ITFG1: variants seen among roughly 807,000 people sequenced by gnomAD.
ITFG1 encodes T-cell immunomodulatory protein.
In ITFG1, 34 loss-of-function variants were observed where a neutral mutation model predicts 81.8. That is an observed-to-expected ratio of 0.42 (90% CI 0.32 to 0.55). The LOEUF (loss-of-function observed/expected upper bound fraction) is 0.55. Ranked by LOEUF, ITFG1 falls within the 20% of genes least tolerant of loss-of-function variation. ITFG1 has a pLI of 0.17. For synonymous variants in ITFG1, 285 were observed against 270.6 expected (o/e 1.05, Z -0.52); for missense variants, 672 against 755.4 (o/e 0.89, Z 1.29).
intron 14 of ITFG1, among the ~76,000 whole-genome samples, chr16:47,214,984 T>A (rs1393406057): frequency 6.7e-6 from 1 of 149,948 alleles, no homozygotes; most frequent in African/African-American, 2.5e-5. Context: ...AAATAAAAAT[T>A]TCATGAAACA....
chr16:47,246,383 T>C (rs1966002576), intron 12 of ITFG1, among the ~76,000 whole-genome samples: 1 of 152,212 alleles, frequency 6.6e-6, no homozygotes, highest in Non-Finnish European at 1.5e-5. Flanking sequence ...ATATGTGTTA[T>C]AAAAAGGGGT....
chr16:47,172,786 T>A (rs1964977416), intron 14 of ITFG1, among the ~76,000 whole-genome samples: 1 of 152,222 alleles, frequency 6.6e-6, no homozygotes, highest in Admixed American at 6.5e-5. Context: ...TTACCCCAAA[T>A]AGGTATGTTC....
At chr16:47,241,341 T>C (rs534446288) in intron 12 of ITFG1, among the ~76,000 whole-genome samples, 4 of 152,310 alleles carry the variant, frequency 2.6e-5, no homozygotes, top group Admixed American at 1.3e-4. Context: ...CAGAAATGTG[T>C]ACATCAGTGT....
intron 6 of ITFG1, among the ~76,000 whole-genome samples, chr16:47,428,114 C>CGG (rs1186392914): frequency 6.6e-6 from 1 of 151,944 alleles, no homozygotes; most frequent in Non-Finnish European, 1.5e-5. Flanking sequence ...CTCCAGCCTG[C>CGG]GGAACAGAGT....
intron 14 of ITFG1, among the ~76,000 whole-genome samples, chr16:47,195,739 T>G (rs1965349971): frequency 6.6e-6 from 1 of 152,130 alleles, no homozygotes; most frequent in Non-Finnish European, 1.5e-5. Flanking sequence ...GTTGTTGTTG[T>G]TTTAATTTCT....
chr16:47,352,092 A>C (rs1357297544), intron 8 of ITFG1, among the ~76,000 whole-genome samples: 2 of 152,234 alleles, frequency 1.3e-5, no homozygotes, highest in African/African-American at 4.8e-5. Context: ...GTTAGACCTA[A>C]AATCATAAAA....
At chr16:47,418,884 T>C (rs1428942598) in intron 6 of ITFG1, among the ~76,000 whole-genome samples, 1 of 152,222 alleles carries the variant, frequency 6.6e-6, no homozygotes, top group African/African-American at 2.4e-5. Flanking sequence ...GTATATTTTG[T>C]TGTTTCATAA....
intron 10 of ITFG1, among the ~76,000 whole-genome samples, chr16:47,265,528 A>G (rs1966266418): frequency 1.3e-5 from 2 of 152,136 alleles, no homozygotes; most frequent in Non-Finnish European, 2.9e-5. Flanking sequence ...GGAGAAATAT[A>G]AATATACTAT....
intron 11 of ITFG1, among the ~76,000 whole-genome samples, chr16:47,260,212 C>CA (rs1422297006): frequency 3.9e-5 from 6 of 152,126 alleles, no homozygotes; most frequent in African/African-American, 1.4e-4. Flanking sequence ...GCTGGGATTA[C>CA]AGGTGTGAGC....
intron 8 of ITFG1, among the ~76,000 whole-genome samples, chr16:47,324,309 C>T (rs1467174301): frequency 6.6e-6 from 1 of 151,714 alleles, no homozygotes; most frequent in Non-Finnish European, 1.5e-5. Context: ...CACCACCAGG[C>T]CTGCCCTAAA....
chr16:47,351,529 G>A (rs915063939), intron 8 of ITFG1, among the ~76,000 whole-genome samples: 2 of 152,114 alleles, frequency 1.3e-5, no homozygotes, highest in Non-Finnish European at 2.9e-5. Context: ...TCTTCAAGGA[G>A]AACTACAAAC....
chr16:47,293,081 T>C (rs1966929633), intron 10 of ITFG1, among the ~76,000 whole-genome samples: 1 of 147,768 alleles, frequency 6.8e-6, no homozygotes, highest in Admixed American at 6.8e-5. Flanking sequence ...CATATATATG[T>C]ATGTGTATAT....
chr16:47,417,859 A>G (rs1968893337), intron 6 of ITFG1, among the ~76,000 whole-genome samples: 1 of 152,138 alleles, frequency 6.6e-6, no homozygotes, highest in Non-Finnish European at 1.5e-5. Context: ...ATATCCCTTC[A>G]ATATACTGAT....
chr16:47,210,079 C>T (rs192532804), intron 14 of ITFG1, among the ~76,000 whole-genome samples: 2 of 152,254 alleles, frequency 1.3e-5, no homozygotes, highest in African/African-American at 4.8e-5. Flanking sequence ...ACTGCAATTG[C>T]TGGGTCATAC....
intron 12 of ITFG1, among the ~76,000 whole-genome samples, chr16:47,256,420 C>A (rs758454201): frequency 1.3e-5 from 2 of 152,142 alleles, no homozygotes; most frequent in Admixed American, 1.3e-4. Context: ...CTTGGTTATT[C>A]TAATTACATA....
At chr16:47,191,805 G>A (rs1175394468) in intron 14 of ITFG1, among the ~76,000 whole-genome samples, 4 of 151,956 alleles carry the variant, frequency 2.6e-5, no homozygotes, top group African/African-American at 4.8e-5. Flanking sequence ...GTGAGCCACC[G>A]CGCCTGCCCT....
chr16:47,332,604 T>C (rs1220155721), intron 8 of ITFG1, among the ~76,000 whole-genome samples: 1 of 152,228 alleles, frequency 6.6e-6, no homozygotes, highest in Non-Finnish European at 1.5e-5. Flanking sequence ...AAATTACATA[T>C]GTTAGAACTA....
chr16:47,181,187 C>T (rs1342427429), intron 14 of ITFG1, among the ~76,000 whole-genome samples: 5 of 151,126 alleles, frequency 3.3e-5, no homozygotes, highest in East Asian at 2.0e-4. Flanking sequence ...TCTGCCCGGC[C>T]GCCCCATCTG....
intron 13 of ITFG1, among the ~76,000 whole-genome samples, chr16:47,228,348 A>C (rs2151530654): frequency 6.8e-6 from 1 of 147,452 alleles, no homozygotes; most frequent in African/African-American, 2.7e-5. Context: ...AATAAAGATA[A>C]GAAGGTTTTT....
Sources: gnomAD v4.1 joint callset for allele counts (sites outside exome capture counted in the v4.1 genomes callset) on GRCh38, gnomAD v4.1.1 for gene constraint, MANE v1.5 for transcripts, NCBI Gene and HGNC (gene_info 2026-07-23, HGNC 2026-07-21) for gene names.